Variants in RNF20 observed in about 807,000 individuals in gnomAD.
The protein encoded by RNF20 is E3 ubiquitin-protein ligase BRE1A.
A neutral mutation model predicts 126.2 loss-of-function variants in RNF20; 84 were observed. The ratio of observed to expected loss-of-function variants is 0.67; its 90% confidence interval spans 0.56 to 0.80. RNF20 has a LOEUF of 0.80. Ranked by LOEUF, RNF20 falls within the 30% of genes least tolerant of loss-of-function variation. RNF20 has a pLI of 0.00. For synonymous variants in RNF20, 400 were observed against 414.3 expected, an observed-to-expected ratio of 0.97 and a Z score of 0.42; for missense variants, 869 against 1,188.2, an observed-to-expected ratio of 0.73 and a Z score of 3.95.
chr9:101,540,119 A>G (rs909552395), intron 2 of RNF20, 84 bp from the exon 3 acceptor site: 1 of 1,271,324 alleles, frequency 7.9e-7, no homozygotes, highest in Non-Finnish European at 1.1e-6. Flanking sequence ...AAAATAACTA[A>G]TGAATAATTG....
At chr9:101,553,866 G>A (rs1411181125) in intron 13 of RNF20, 122 bp from the exon 14 acceptor site, 2 of 563,852 alleles carry the variant, frequency 3.5e-6, no homozygotes, top group Non-Finnish European at 6.4e-6. Context: ...TATCTTTTAG[G>A]TGTGATATGA....
Position 101,561,210 on chromosome 9 carries a change from T to C in RNF20, c.2629T>C (p.Phe877Leu). 4 of 1,613,734 alleles carry C rather than the reference T, an allele frequency of 2.5e-6. No individual in the cohort carries two copies. Among genetic ancestry groups the C allele is most frequent in the Non-Finnish European group, 3.4e-6 (4 of 1,179,720 alleles). Residue 877 changes from phenylalanine (F) to leucine (L), a missense_variant, in exon 18 of 20, where the codon TTC becomes CTC. By Grantham distance (22) the Phe-to-Leu change is conservative. Coordinates refer to ENST00000389120, the MANE Select transcript of RNF20 (RefSeq NM_019592.7). ...ENSVTKEKDMFNFKRAQEDIS... is the reference protein window; with the variant it reads ...ENSVTKEKDMLNFKRAQEDIS... ...CAGTGTTACCAAAGAAAAGGACATG[T>C]TCAATTTCAAACGAGCCCAGGTAAA...
chr9:101,551,886 C>T (rs891986496), intron 11 of RNF20, 67 bp downstream of exon 11: 4 of 1,509,134 alleles, frequency 2.7e-6, no homozygotes, highest in South Asian at 1.3e-5. Context: ...ACAACACAGA[C>T]CCCAGGGTTT....
Position 101,552,132 on chromosome 9 carries a change from G to T in RNF20, c.1409-9G>T. 1.2e-6 allele frequency: 2 copies of T among 1,614,022 alleles called. No homozygotes were observed. Among genetic ancestry groups the T allele is most frequent in the Non-Finnish European group, 1.7e-6 (2 of 1,179,988 alleles). ...GGTTCCTCATAACATTGTTGTTCCTGTATTTAAGGCCCTATAAACAGGGAG... is the reference window on the plus strand; with the variant it reads ...GGTTCCTCATAACATTGTTGTTCCTTTATTTAAGGCCCTATAAACAGGGAG... On this transcript the variant is annotated splice_polypyrimidine_tract_variant and intron_variant, in intron 11 of 19. Transcript: ENST00000389120.
intron 6 of RNF20, 46 bp downstream of exon 6, chr9:101,544,931 C>G: frequency 8.6e-7 from 1 of 1,160,448 alleles, no homozygotes; most frequent in Non-Finnish European, 1.3e-6. Context: ...TGGGCTGTGG[C>G]AGATGTTGAC....
chr9:101,556,477 TA>T (rs1256276545), intron 15 of RNF20, among the ~76,000 whole-genome samples: 2 of 151,702 alleles, frequency 1.3e-5, no homozygotes, highest in African/African-American at 2.4e-5. Context: ...GGGACAAAAT[TA>T]AAAAAAATAA....
intron 6 of RNF20, 137 bp from the exon 7 acceptor site, chr9:101,546,683 T>C: frequency 1.3e-6 from 1 of 770,846 alleles, no homozygotes; most frequent in Non-Finnish European, 2.1e-6. Flanking sequence ...ATTTCATTTT[T>C]GTAATCATGC....
intron 19 of RNF20, 114 bp downstream of exon 19, chr9:101,562,125 G>C (rs763139863): frequency 2.2e-4 from 292 of 1,313,066 alleles, no homozygotes; most frequent in Non-Finnish European, 2.9e-4. Flanking sequence ...TGGAGGTTGG[G>C]GGGAAATGAT....
chr9:101,560,719 G>T (rs1404568331), intron 16 of RNF20, 82 bp from the exon 17 acceptor site: 1 of 1,347,820 alleles, frequency 7.4e-7, no homozygotes, highest in African/African-American at 1.5e-5. Context: ...ACTGTATTTT[G>T]TGGGCTTATA....
intron 2 of RNF20, among the ~76,000 whole-genome samples, chr9:101,536,144 T>G (rs1827180770): frequency 6.6e-6 from 1 of 152,222 alleles, no homozygotes; most frequent in Non-Finnish European, 1.5e-5. Flanking sequence ...TAGCTAATAT[T>G]GGGCTAGATA....
At chr9:101,542,465 T>A (rs576073326) in intron 5 of RNF20, among the ~76,000 whole-genome samples, 9 of 152,326 alleles carry the variant, frequency 5.9e-5, no homozygotes, top group African/African-American at 1.9e-4. Flanking sequence ...GGTTCAGTAG[T>A]TTGGCTCACT....
At chr9:101,537,728 G>A (rs1827205214) in intron 2 of RNF20, among the ~76,000 whole-genome samples, 1 of 152,212 alleles carries the variant, frequency 6.6e-6, no homozygotes, top group African/African-American at 2.4e-5. Context: ...AATGAAGAAA[G>A]TATTTCAAGA....
intron 6 of RNF20, among the ~76,000 whole-genome samples, chr9:101,545,379 G>C (rs1410699664): frequency 6.6e-6 from 1 of 152,180 alleles, no homozygotes; most frequent in Non-Finnish European, 1.5e-5. Context: ...ATGCTAATTA[G>C]TAATTTAGTA....
intron 2 of RNF20, among the ~76,000 whole-genome samples, chr9:101,536,056 A>G (rs981943152): frequency 5.3e-5 from 8 of 152,200 alleles, no homozygotes; most frequent in Non-Finnish European, 1.0e-4. Flanking sequence ...ATTTTTATGC[A>G]TATAAAATAA....
Position 101,547,393 on chromosome 9 carries a change from C to T in RNF20, c.973-6C>T. The T allele has an allele frequency of 2.5e-6, 4 of 1,613,984 alleles. No individual in the cohort carries two copies. The highest frequency in any genetic ancestry group is 3.4e-6 in the Non-Finnish European group (4 of 1,179,944). The stretch of plus-strand genomic sequence containing the variant: ...ATTTATTCTCTATTTTTCTGCTTCT[C>T]TGCAGTTTGAGGAAATGAATGCAGA... On this transcript the variant is annotated splice_polypyrimidine_tract_variant and splice_region_variant and intron_variant, in intron 8 of 19. Transcript: ENST00000389120.
chr9:101,547,227 ACT>A lies in RNF20; in HGVS notation c.972+15_972+16del. ...CAATGCTCGGAAGGTAAAATCAGTG[ACT>A]CAGGACATGTTTTGGACTGTATGTC... is the stretch of plus-strand genomic sequence containing the variant. On this transcript the variant is annotated intron_variant, in intron 8 of 19. Transcript: ENST00000389120. 6.2e-7 allele frequency: 1 copy of A among 1,613,612 alleles called. No homozygotes were observed. The highest frequency in any genetic ancestry group is 8.5e-7 in the Non-Finnish European group (1 of 1,179,568).
At chr9:101,552,356 G>T in intron 12 of RNF20, 27 bp from the exon 13 acceptor site, 1 of 1,607,590 alleles carries the variant, frequency 6.2e-7, no homozygotes, top group South Asian at 1.1e-5. Context: ...TAAGAGATGT[G>T]CATCTTTCTT....
At chr9:101,539,894 A>G (rs905384668) in intron 2 of RNF20, among the ~76,000 whole-genome samples, 19 of 151,796 alleles carry the variant, frequency 1.3e-4, no homozygotes, top group African/African-American at 4.4e-4. Context: ...GACAGTGTTG[A>G]TTGGAGTCGA....
At chr9:101,543,262 G>C (rs530260605) in intron 5 of RNF20, among the ~76,000 whole-genome samples, 9 of 152,288 alleles carry the variant, frequency 5.9e-5, no homozygotes, top group Non-Finnish European at 1.2e-4. Context: ...GAGCGGCACT[G>C]TCTAACCTGC....
Sources: gnomAD v4.1 joint callset for allele counts (sites outside exome capture counted in the v4.1 genomes callset) on GRCh38, gnomAD v4.1.1 for gene constraint, MANE v1.5 for transcripts, NCBI Gene and HGNC (gene_info 2026-07-23, HGNC 2026-07-21) for gene names.